The following SLC13A3 variants were observed in gnomAD, a reference collection of about 807,000 sequenced individuals.
SLC13A3 encodes solute carrier family 13 member 3.
Under a neutral mutation model 59.0 loss-of-function variants are expected in SLC13A3, and 40 were observed. The observed-to-expected ratio is 0.68, with a 90% CI of 0.53 to 0.88. The LOEUF (loss-of-function observed/expected upper bound fraction) is 0.88. Ranked by LOEUF, SLC13A3 falls within the 40% of genes least tolerant of loss-of-function variation. The probability of loss-of-function intolerance (pLI) is 0.00; values close to 1 mark genes in which losing one functional copy is unlikely to be tolerated. For synonymous variants in SLC13A3, 317 were observed against 330.3 expected, an observed-to-expected ratio of 0.96 and a Z score of 0.44; for missense variants, 699 against 783.2, an observed-to-expected ratio of 0.89 and a Z score of 1.28.
Position 46,558,617 on chromosome 20 carries a change from G to A in SLC13A3, c.*1405C>T, listed in dbSNP as rs550184902. On this transcript the variant is annotated 3_prime_UTR_variant, in exon 13 of 13. Transcript: ENST00000279027. The stretch of plus-strand genomic sequence containing the variant: ...CTGAGTGCTCACTTGGAAAGGAGGT[G>A]GAGCTCAACTTCCAACTCAGAGGGC... The A allele has an allele frequency of 3.3e-5, 5 of 152,314 alleles. No homozygotes were observed. In the South Asian group the frequency reaches 8.3e-4, roughly 25 times the overall value. 9.4% of individuals were successfully genotyped at this position (152,314 alleles called of 1,614,324 possible). A position where few individuals can be genotyped will look rare whatever the true frequency, so the allele number is the denominator to read the frequency against.
intron 1 of SLC13A3, among the ~76,000 whole-genome samples, chr20:46,642,711 C>T (rs768938460): frequency 5.9e-5 from 9 of 152,216 alleles, no homozygotes; most frequent in Non-Finnish European, 8.8e-5. Context: ...GCTTGTCAGC[C>T]TGACCCCAGA....
At chr20:46,669,321 C>T (rs1320914961) in intron 1 of SLC13A3, among the ~76,000 whole-genome samples, 2 of 151,706 alleles carry the variant, frequency 1.3e-5, no homozygotes, top group Admixed American at 6.6e-5. Flanking sequence ...GTCAGAGAGA[C>T]AGGTCGAGTC....
At chr20:46,648,601 G>A (rs924996056) in intron 1 of SLC13A3, among the ~76,000 whole-genome samples, 1 of 152,154 alleles carries the variant, frequency 6.6e-6, no homozygotes, top group African/African-American at 2.4e-5. Flanking sequence ...TAACTAAGAA[G>A]AGCATGTAAG....
chr20:46,609,411 A>G (rs2062469577), intron 3 of SLC13A3, among the ~76,000 whole-genome samples: 1 of 152,186 alleles, frequency 6.6e-6, no homozygotes, highest in African/African-American at 2.4e-5. Context: ...GAGGGAATCA[A>G]ATCCCTCCGT....
At chr20:46,664,151 C>T (rs1353441078) in intron 1 of SLC13A3, among the ~76,000 whole-genome samples, 1 of 152,154 alleles carries the variant, frequency 6.6e-6, no homozygotes, top group Non-Finnish European at 1.5e-5. Context: ...TAGGGTGTGG[C>T]TTGGGCATCA....
At chr20:46,628,330 G>A (rs181231444) in intron 1 of SLC13A3, among the ~76,000 whole-genome samples, 1 of 152,306 alleles carries the variant, frequency 6.6e-6, no homozygotes, top group African/African-American at 2.4e-5. Context: ...TTGGGAGGGA[G>A]AATCTTGCTG....
intron 3 of SLC13A3, among the ~76,000 whole-genome samples, chr20:46,600,269 A>AGGAAAGGAAAGGGAG (rs2062360478): frequency 7.0e-6 from 1 of 141,848 alleles, no homozygotes; most frequent in Non-Finnish European, 1.5e-5. Flanking sequence ...AGGAAAGGAA[A>AGGAAAGGAAAGGGAG]GGAAAGGAAA....
At chr20:46,597,003 T>C (rs1022787137) in intron 4 of SLC13A3, among the ~76,000 whole-genome samples, 8 of 152,090 alleles carry the variant, frequency 5.3e-5, no homozygotes, top group Non-Finnish European at 1.0e-4. Flanking sequence ...TAGTGAACTT[T>C]GATTGCCCCA....
At chr20:46,655,230 C>T (rs2062976152), upstream of SLC13A3, among the ~76,000 whole-genome samples, 1 of 150,942 alleles carries the variant, frequency 6.6e-6, no homozygotes, top group Non-Finnish European at 1.5e-5. Context: ...TATACACATA[C>T]ATATATACAC....
chr20:46,651,479 C>T (rs1424261734), upstream of SLC13A3: 3 of 1,365,940 alleles, frequency 2.2e-6, no homozygotes, highest in Non-Finnish European at 2.8e-6. Flanking sequence ...GGCCCCGGCG[C>T]CGGCTTAAAG....
chr20:46,632,924 T>TACCCACCCAG (rs140748115), intron 1 of SLC13A3, among the ~76,000 whole-genome samples: 1,160 of 11,920 alleles, frequency 0.097, 16 homozygotes, highest in Middle Eastern at 0.3. Flanking sequence ...TCTATCTATC[T>TACCCACCCAG]ATCTATCTAT....
At chr20:46,609,144 T>C in intron 3 of SLC13A3, 3 of 1,456,942 alleles carry the variant, frequency 2.1e-6, no homozygotes, top group Non-Finnish European at 2.7e-6. Context: ...CCTTTTAAAA[T>C]ACAGTTATGT....
chr20:46,663,935 T>C (rs1417059378), intron 1 of SLC13A3, among the ~76,000 whole-genome samples: 8 of 152,092 alleles, frequency 5.3e-5, no homozygotes, highest in African/African-American at 1.7e-4. Context: ...TCCCTGAAAG[T>C]AGTAATATTA....
intron 1 of SLC13A3, among the ~76,000 whole-genome samples, chr20:46,636,526 C>T (rs2062796892): frequency 6.6e-6 from 1 of 152,204 alleles, no homozygotes; most frequent in African/African-American, 2.4e-5. Context: ...CATTGGTGGA[C>T]AAGATGGACA....
At chr20:46,672,540 T>C (rs1408638342), upstream of SLC13A3, among the ~76,000 whole-genome samples, 2 of 152,186 alleles carry the variant, frequency 1.3e-5, no homozygotes, top group Non-Finnish European at 2.9e-5. Context: ...TGCCAGTCCA[T>C]ATGTGGTTAT....
chr20:46,563,454 G>T lies in SLC13A3; in HGVS notation c.1592C>A (p.Ser531Tyr). The change falls in exon 12 of 13, where the codon TCC becomes TAC. Residue 531 changes from serine (S) to tyrosine (Y), a missense_variant. By Grantham distance (144) the Ser-to-Tyr change is moderately radical. Transcript: ENST00000279027. ...FMLPVSTPPN[S>Y]IAFASGHLLV... ...CAAGTGTCCAGAGGCGAAGGCGATG[G>T]AGTTGGGGGGCGTTGAGACCGGGAG... The T allele has an allele frequency of 6.2e-7, 1 of 1,614,188 alleles. No homozygotes were observed. Among genetic ancestry groups the T allele is most frequent in the Non-Finnish European group, 8.5e-7 (1 of 1,180,036 alleles).
intron 3 of SLC13A3, among the ~76,000 whole-genome samples, chr20:46,609,272 T>A (rs897193696): frequency 3.3e-5 from 5 of 152,332 alleles, no homozygotes; most frequent in African/African-American, 4.8e-5. Flanking sequence ...TCTGAATTGA[T>A]CCTGGACTTC....
chr20:46,656,360 A>G (rs2062992089), upstream of SLC13A3, among the ~76,000 whole-genome samples: 1 of 81,388 alleles, frequency 1.2e-5, no homozygotes, highest in South Asian at 4.7e-4. Flanking sequence ...ACTGTATATG[A>G]TATACTATAC....
chr20:46,560,259 A>G, intron 12 of SLC13A3, 61 bp from the exon 13 acceptor site: 1 of 1,510,220 alleles, frequency 6.6e-7, no homozygotes. Flanking sequence ...AGATGGAAAC[A>G]TTCAGACTCA....
Sources: allele counts gnomAD v4.1 joint callset (sites outside exome capture counted in the v4.1 genomes callset), GRCh38; gene constraint gnomAD v4.1.1; transcripts MANE v1.5; gene names NCBI Gene and HGNC (gene_info 2026-07-23, HGNC 2026-07-21).